The following CDK13 variants were observed in gnomAD, a reference collection of about 807,000 sequenced individuals.
CDK13 encodes cyclin dependent kinase 13.
Under a neutral mutation model 137.6 loss-of-function variants are expected in CDK13, and 40 were observed. That is an observed-to-expected ratio of 0.29 (90% CI 0.23 to 0.38). CDK13 has a LOEUF of 0.38. Among genes scored for constraint, CDK13 ranks in the 10% least tolerant of loss-of-function variants. The probability of loss-of-function intolerance (pLI) is 1.00; values close to 1 mark genes in which losing one functional copy is unlikely to be tolerated. For missense variants in CDK13, 1,704 were observed against 1,951.8 expected, an observed-to-expected ratio of 0.87 and a Z score of 2.39; for synonymous variants, 869 against 760.1, an observed-to-expected ratio of 1.14 and a Z score of -2.36.
chr7:39,981,257 A>G (rs990141936), intron 1 of CDK13, among the ~76,000 whole-genome samples: 22 of 152,032 alleles, frequency 1.4e-4, no homozygotes, highest in African/African-American at 4.8e-4. Flanking sequence ...AGTCCCCGCT[A>G]CTTTTGGGGG....
Position 39,951,230 on chromosome 7 carries a change from AGGCCCCGCC to A in CDK13, c.592_600del (p.Pro198_Arg200del), listed in dbSNP as rs983703776. 7.8e-6 allele frequency: 10 copies of A among 1,277,468 alleles called. No individual in the cohort carries two copies. Among genetic ancestry groups the A allele is most frequent in the Non-Finnish European group, 9.8e-6 (10 of 1,015,508 alleles). 79.1% of individuals were successfully genotyped at this position (1,277,468 alleles called of 1,614,324 possible). A position where few individuals can be genotyped will look rare whatever the true frequency, so the allele number is the denominator to read the frequency against. ...GCGGCGCGGGGAGGGGTCGGAGCGC[AGGCCCCGCC>A]GGGACCGCCGCAGCAGCAGTGGCCG... On this transcript the variant is annotated inframe_deletion, in exon 1 of 14. Coordinates refer to ENST00000181839, the MANE Select transcript of CDK13 (RefSeq NM_003718.5).
chr7:40,028,356 C>T (rs966918180), intron 5 of CDK13, among the ~76,000 whole-genome samples: 6 of 151,622 alleles, frequency 4.0e-5, no homozygotes, highest in Admixed American at 6.6e-5. Flanking sequence ...GTAGCTGGGA[C>T]GACAGGCACC....
intron 5 of CDK13, among the ~76,000 whole-genome samples, chr7:40,025,948 AG>A (rs1785234280): frequency 6.6e-6 from 1 of 152,104 alleles, no homozygotes. Context: ...GCCAAGGTTT[AG>A]ATTCTAACTG....
intron 5 of CDK13, among the ~76,000 whole-genome samples, chr7:40,031,976 C>A (rs970041144): frequency 1.3e-5 from 2 of 151,910 alleles, no homozygotes; most frequent in East Asian, 3.9e-4. Flanking sequence ...CGTGAGCCAC[C>A]ATGCCTAGTG....
intron 1 of CDK13, among the ~76,000 whole-genome samples, chr7:39,962,246 C>CA (rs1030937587): frequency 1.1e-4 from 16 of 152,176 alleles, no homozygotes; most frequent in Admixed American, 9.8e-4. Context: ...AGTTTACAGT[C>CA]CACCAACAGT....
intron 9 of CDK13, chr7:40,070,796 GCT>G (rs1320482179): frequency 8.0e-6 from 1 of 124,688 alleles, no homozygotes; most frequent in African/African-American, 3.8e-5. Context: ...AAGGCAGAAA[GCT>G]CTGTGTGGCC....
chr7:40,014,444 TTCTC>T (rs1281931860), intron 5 of CDK13, among the ~76,000 whole-genome samples: 4 of 146,690 alleles, frequency 2.7e-5, no homozygotes, highest in South Asian at 2.1e-4. Flanking sequence ...CCATGTGTAT[TTCTC>T]TCTCTTTTTT....
intron 5 of CDK13, among the ~76,000 whole-genome samples, chr7:40,028,277 G>T (rs1785288457): frequency 6.8e-6 from 1 of 146,178 alleles, no homozygotes; most frequent in Non-Finnish European, 1.5e-5. Flanking sequence ...GGAGTGCAGT[G>T]GCCTGATCTA....
rs1038090482 is a variant in CDK13 at position 40,088,226 on chromosome 7, A to C, written c.3130A>C (p.Arg1044=). The C allele has an allele frequency of 1.9e-6, 3 of 1,614,144 alleles. No individual in the cohort carries two copies. The Admixed American group carries it at 5.0e-5, about 27-fold the overall frequency. The change falls in exon 12 of 14, where the codon AGG becomes CGG. Residue 1044 remains arginine (R), a synonymous_variant. Transcript: ENST00000181839. The part of the protein sequence containing the change: ...TDDVSTIKAP[R]KDLSLGLDDS... ...TGATGTTTCCACAATTAAAGCCCCC[A>C]GGAAGGACTTGTCTCTGGGCTTGGA...
At chr7:40,055,502 C>T (rs1048393731) in intron 7 of CDK13, among the ~76,000 whole-genome samples, 2 of 151,036 alleles carry the variant, frequency 1.3e-5, no homozygotes, top group Admixed American at 1.3e-4. Context: ...ACAAGATCAT[C>T]TCTACGATGT....
At chr7:39,983,734 A>C (rs886282980) in intron 1 of CDK13, among the ~76,000 whole-genome samples, 2 of 152,332 alleles carry the variant, frequency 1.3e-5, no homozygotes, top group African/African-American at 4.8e-5. Flanking sequence ...GACGTATATC[A>C]GACTTGTTTG....
At chr7:39,968,118 A>G (rs1021061361) in intron 1 of CDK13, among the ~76,000 whole-genome samples, 2 of 152,190 alleles carry the variant, frequency 1.3e-5, no homozygotes, top group African/African-American at 4.8e-5. Context: ...TGAGTTGCTA[A>G]TATATTTTGA....
rs1281665219 is a variant in CDK13, at chr7:40,098,279, C to T, written c.*3299C>T. The stretch of plus-strand genomic sequence containing the variant: ...AAAATGAAAAGTGAATACATAAATG[C>T]TTAAAATCTGGTACTTCTGAGTTAA... On this transcript the variant is annotated 3_prime_UTR_variant, in exon 14 of 14. Transcript: ENST00000181839. The T allele has an allele frequency of 6.6e-6, 1 of 152,034 alleles. No homozygotes were observed. Among genetic ancestry groups the T allele is most frequent in the Non-Finnish European group, 1.5e-5 (1 of 67,978 alleles). 9.4% of individuals were successfully genotyped at this position (152,034 alleles called of 1,614,324 possible).
chr7:39,968,970 T>C (rs1029523673), intron 1 of CDK13, among the ~76,000 whole-genome samples: 1 of 152,206 alleles, frequency 6.6e-6, no homozygotes, highest in African/African-American at 2.4e-5. Flanking sequence ...CCAGTCTGGC[T>C]TGCTCATTCT....
At chr7:40,012,741 GTC>G (rs1222084308) in intron 5 of CDK13, among the ~76,000 whole-genome samples, 1 of 151,916 alleles carries the variant, frequency 6.6e-6, no homozygotes. Context: ...GTGCAACCCC[GTC>G]TCTACTAAAA....
chr7:39,961,544 C>A (rs1192639266), intron 1 of CDK13, among the ~76,000 whole-genome samples: 1 of 152,254 alleles, frequency 6.6e-6, no homozygotes, highest in Non-Finnish European at 1.5e-5. Flanking sequence ...ATTCTACTCC[C>A]TACTTCTATG....
At chr7:39,993,056 G>A (rs1784496753) in intron 2 of CDK13, among the ~76,000 whole-genome samples, 1 of 152,052 alleles carries the variant, frequency 6.6e-6, no homozygotes, top group Non-Finnish European at 1.5e-5. Flanking sequence ...TAATATTTTT[G>A]GCAGTGATTG....
At chr7:40,081,175 T>C (rs1786655274) in intron 11 of CDK13, among the ~76,000 whole-genome samples, 2 of 152,190 alleles carry the variant, frequency 1.3e-5, no homozygotes, top group South Asian at 4.1e-4. Context: ...GCCTTCTTTT[T>C]ATCAGAATTA....
intron 7 of CDK13, among the ~76,000 whole-genome samples, chr7:40,051,520 C>G (rs1785887604): frequency 6.6e-6 from 1 of 152,170 alleles, no homozygotes; most frequent in South Asian, 2.1e-4. Context: ...TAGGGCCTTA[C>G]TGTAATACTC....
Sources: allele counts gnomAD v4.1 joint callset (sites outside exome capture counted in the v4.1 genomes callset), GRCh38; gene constraint gnomAD v4.1.1; transcripts MANE v1.5; gene names NCBI Gene and HGNC (gene_info 2026-07-23, HGNC 2026-07-21).